TOGARAM1: variants seen among roughly 807,000 people sequenced by gnomAD.
TOGARAM1 encodes the protein TOG array regulator of axonemal microtubules protein 1.
In TOGARAM1, 100 loss-of-function variants were observed where a neutral mutation model predicts 166.6. The ratio of observed to expected loss-of-function variants is 0.60; its 90% CI spans 0.51 to 0.71. The LOEUF (loss-of-function observed/expected upper bound fraction) is 0.71, where lower values mean the gene tolerates loss of function less well. Ranked by LOEUF, TOGARAM1 falls within the 30% of genes least tolerant of loss-of-function variation. The pLI, the probability that TOGARAM1 is intolerant of heterozygous loss-of-function variation, is 0.00. For synonymous variants in TOGARAM1, 758 were observed against 763.8 expected (o/e 0.99, Z 0.13); for missense variants, 2,029 against 2,102.7 (o/e 0.96, Z 0.69).
intron 1 of TOGARAM1, among the ~76,000 whole-genome samples, chr14:44,983,663 G>C (rs1280614520): frequency 1.3e-5 from 2 of 152,180 alleles, no homozygotes; most frequent in Non-Finnish European, 2.9e-5. Flanking sequence ...AATTTGATAA[G>C]AAATTAGAAA....
intron 1 of TOGARAM1, among the ~76,000 whole-genome samples, chr14:44,983,306 GAGA>G (rs1432139674): frequency 6.6e-6 from 1 of 152,204 alleles, no homozygotes; most frequent in East Asian, 1.9e-4. Flanking sequence ...GAAAAACAAA[GAGA>G]AGATGACTTA....
chr14:45,035,182 A>T (rs1262843558), intron 11 of TOGARAM1, among the ~76,000 whole-genome samples: 2 of 152,166 alleles, frequency 1.3e-5, no homozygotes, highest in African/African-American at 4.8e-5. Context: ...CAATAAGGCA[A>T]AATCCTGTGT....
rs990173723 is a variant in TOGARAM1, at chr14:45,030,135, TA to T, written c.3658+1817del. Among the ~76,000 whole-genome samples the T allele has an allele frequency of 1.1e-4, 17 of 149,580 alleles. No homozygotes were observed. The East Asian group carries it at 1.4e-3, about 12-fold the overall frequency. Reference sequence around the variant, plus strand: ...ATGCCCAGCCAACAGTGGAAGTTTTTAAAAAAAAAAATCTTCATTTGAGCAT... The same window carrying T: ...ATGCCCAGCCAACAGTGGAAGTTTTTAAAAAAAAAATCTTCATTTGAGCAT... On this transcript the variant is annotated intron_variant, in intron 10 of 19. Transcript: ENST00000361462.
At chr14:44,978,065 G>T (rs1594614648) in intron 1 of TOGARAM1, 2 of 152,304 alleles carry the variant, frequency 1.3e-5, no homozygotes, top group African/African-American at 4.8e-5. Flanking sequence ...TTGGTGATTT[G>T]TGTGCTTGAA....
At chr14:44,971,386 G>T (rs565292103) in intron 1 of TOGARAM1, among the ~76,000 whole-genome samples, 2 of 152,170 alleles carry the variant, frequency 1.3e-5, no homozygotes, top group Non-Finnish European at 2.9e-5. Flanking sequence ...ATGTTTATGT[G>T]ATTTGTAGTG....
chr14:44,962,215 T>A lies in TOGARAM1; in HGVS notation c.-207T>A, dbSNP rs1193829957. 3.3e-5 allele frequency: 17 copies of A among 518,198 alleles called. No homozygotes were observed. Among genetic ancestry groups the A allele is most frequent in the Non-Finnish European group, 5.6e-5 (17 of 301,036 alleles). The allele number at this position is 518,198 out of a possible 1,614,324, so 32.1% of individuals were successfully genotyped here. A position where few individuals can be genotyped will look rare whatever the true frequency, so the allele number is the denominator to read the frequency against. ...ACGTGGTGCCCTTGGTTACGCCCGGTGGCAGCTGTGGGGTCTAGGGCTCAG... is the reference window on the plus strand; with the variant it reads ...ACGTGGTGCCCTTGGTTACGCCCGGAGGCAGCTGTGGGGTCTAGGGCTCAG... On this transcript the variant is annotated 5_prime_UTR_variant, in exon 1 of 20. Transcript: ENST00000361462.
In TOGARAM1 at chr14:45,012,012, C is replaced by G; in HGVS notation, c.3175C>G (p.Pro1059Ala). ...IFPTFGSKPC[P>A]TRLSSAKKKI... is the part of the protein sequence containing the mutation. ...TCCAACATTTGGGTCAAAACCTTGT[C>G]CAACAAGACTTTCTTCTGCAAAGAA... The change falls in exon 7 of 20, where the codon CCA (proline) becomes GCA (alanine). Residue 1059 changes from proline to alanine, a missense_variant. Physicochemically the swap from Pro to Ala is conservative, Grantham distance 27. Coordinates refer to ENST00000361462, the MANE Select transcript of TOGARAM1 (RefSeq NM_001308120.2). 1 of 1,611,350 alleles carries G rather than the reference C, an allele frequency of 6.2e-7. No individual in the cohort carries two copies. Among genetic ancestry groups the G allele is most frequent in the Non-Finnish European group, 8.5e-7 (1 of 1,178,928 alleles).
chr14:45,024,574 T>C (rs528444718), intron 7 of TOGARAM1, among the ~76,000 whole-genome samples: 13 of 152,210 alleles, frequency 8.5e-5, no homozygotes, highest in Non-Finnish European at 1.3e-4. Context: ...TGATCATTCG[T>C]CTCTTGATAG....
chr14:45,006,802 A>G (rs919227719), intron 5 of TOGARAM1: 2 of 152,112 alleles, frequency 1.3e-5, no homozygotes, highest in Non-Finnish European at 2.9e-5. Flanking sequence ...GTCTTTTGCA[A>G]TTGCATACAG....
In TOGARAM1 at chr14:45,067,600, C is replaced by T. The variant is rs1883193877; in HGVS notation, c.4750-824C>T. Among the ~76,000 whole-genome samples, 3 of 152,082 alleles carry T rather than the reference C, an allele frequency of 2.0e-5. No individual in the cohort carries two copies. The South Asian group carries it at 6.2e-4, about 32-fold the overall frequency. Reference sequence around the variant, plus strand: ...TTTGTGTAATGTGCATTATACTTGGCAAACATACCATAAGTACTCTTTACT... The same window carrying T: ...TTTGTGTAATGTGCATTATACTTGGTAAACATACCATAAGTACTCTTTACT... On this transcript the variant is annotated intron_variant, in intron 17 of 19. Coordinates refer to ENST00000361462, the MANE Select transcript of TOGARAM1 (RefSeq NM_001308120.2).
intron 6 of TOGARAM1, among the ~76,000 whole-genome samples, chr14:45,010,990 A>G (rs1250926414): frequency 1.3e-5 from 2 of 152,220 alleles, no homozygotes; most frequent in Non-Finnish European, 2.9e-5. Flanking sequence ...CTCTCCATTT[A>G]CTGAGAATTG....
At chr14:44,999,620 T>G in intron 3 of TOGARAM1, 123 bp downstream of exon 3, 2 of 797,312 alleles carry the variant, frequency 2.5e-6, no homozygotes, top group Non-Finnish European at 3.6e-6. Flanking sequence ...GATTTTGTTA[T>G]ATTTTTAATA....
chr14:45,009,230 A>G, intron 6 of TOGARAM1, 85 bp downstream of exon 6: 1 of 989,394 alleles, frequency 1.0e-6, no homozygotes, highest in Non-Finnish European at 1.5e-6. Flanking sequence ...AAAAACTTAA[A>G]ACCATTTATG....
At chr14:44,991,193 A>C (rs1033559436) in intron 1 of TOGARAM1, among the ~76,000 whole-genome samples, 1 of 151,944 alleles carries the variant, frequency 6.6e-6, no homozygotes, top group Non-Finnish European at 1.5e-5. Context: ...CCTGAGCTCA[A>C]ATAATCCTCC....
At chr14:44,991,513 A>G (rs1205135493) in intron 1 of TOGARAM1, among the ~76,000 whole-genome samples, 1 of 152,194 alleles carries the variant, frequency 6.6e-6, no homozygotes, top group Non-Finnish European at 1.5e-5. Flanking sequence ...CTTGGACTCA[A>G]TAGTTCCGTT....
intron 11 of TOGARAM1, among the ~76,000 whole-genome samples, chr14:45,033,518 A>G (rs967947137): frequency 3.3e-5 from 5 of 152,212 alleles, no homozygotes; most frequent in African/African-American, 1.2e-4. Flanking sequence ...CATTATATGA[A>G]AACTTTACTC....
chr14:45,034,355 G>C (rs1232343862), intron 11 of TOGARAM1, among the ~76,000 whole-genome samples: 1 of 152,100 alleles, frequency 6.6e-6, no homozygotes, highest in Non-Finnish European at 1.5e-5. Context: ...TGGACATGGT[G>C]CTGAGAGTTT....
chr14:45,005,011 C>G (rs558124487), intron 4 of TOGARAM1, among the ~76,000 whole-genome samples: 1 of 151,964 alleles, frequency 6.6e-6, no homozygotes, highest in Non-Finnish European at 1.5e-5. Flanking sequence ...CATCCTCCAC[C>G]TCCAAGTGAT....
chr14:44,972,988 TAA>T (rs1181740275), intron 1 of TOGARAM1, among the ~76,000 whole-genome samples: 3 of 152,142 alleles, frequency 2.0e-5, no homozygotes, highest in Admixed American at 1.3e-4. Context: ...TCAGTAACAT[TAA>T]GTGAGAACTT....
Sources: allele counts gnomAD v4.1 joint callset (sites outside exome capture counted in the v4.1 genomes callset), GRCh38; gene constraint gnomAD v4.1.1; transcripts MANE v1.5; gene names NCBI Gene and HGNC (gene_info 2026-07-23, HGNC 2026-07-21).